The following DACH2 variants were observed in gnomAD, a reference collection of about 807,000 sequenced individuals.
DACH2 encodes dachshund homolog 2.
DACH2 carries 17 observed loss-of-function variants against 35.8 expected under a neutral mutation model. The ratio of observed to expected loss-of-function variants is 0.48; its 90% CI spans 0.33 to 0.71. The LOEUF (loss-of-function observed/expected upper bound fraction) is 0.71. Ranked by LOEUF, DACH2 falls within the 30% of genes least tolerant of loss-of-function variation. The pLI, the probability that DACH2 is intolerant of heterozygous loss-of-function variation, is 0.02. For synonymous variants in DACH2, 195 were observed against 177.3 expected, an observed-to-expected ratio of 1.10 and a Z score of -0.79; for missense variants, 469 against 472.7, an observed-to-expected ratio of 0.99 and a Z score of 0.07.
chrX:86,337,031 A>G (rs768030736), intron 1 of DACH2, among the ~76,000 whole-genome samples: 2 of 109,851 alleles, frequency 1.8e-5, no homozygotes, highest in African/African-American at 6.6e-5. Flanking sequence ...TAGAGAAAAA[A>G]GAATGAAAAA....
At chrX:86,315,840 C>CACACACAGAGAGAGAG (rs1556024046) in intron 1 of DACH2, among the ~76,000 whole-genome samples, 1 of 77,870 alleles carries the variant, frequency 1.3e-5, no homozygotes, top group Non-Finnish European at 2.4e-5. Context: ...CACACACACA[C>CACACACAGAGAGAGAG]AGAGAGAGAG....
intron 2 of DACH2, among the ~76,000 whole-genome samples, chrX:86,455,886 C>G (rs2037466285): frequency 1.8e-5 from 2 of 112,221 alleles, no homozygotes; most frequent in East Asian, 5.6e-4. Flanking sequence ...GTATATTAAA[C>G]TCCTGGGTGT....
chrX:86,723,270 G>T (rs1338273503), intron 6 of DACH2, among the ~76,000 whole-genome samples: 1 of 106,981 alleles, frequency 9.3e-6, no homozygotes, highest in Non-Finnish European at 1.9e-5. Flanking sequence ...TCTCATGTTG[G>T]TTTTTCATAC....
intron 4 of DACH2, among the ~76,000 whole-genome samples, chrX:86,653,689 G>A (rs1177182001): frequency 3.3e-5 from 3 of 91,800 alleles, no homozygotes; most frequent in Non-Finnish European, 6.4e-5. Context: ...TTTTTGAGAC[G>A]GAGTCTCACT....
chrX:86,527,418 T>G, intron 3 of DACH2, among the ~76,000 whole-genome samples: 1 of 112,060 alleles, frequency 8.9e-6, no homozygotes, highest in Admixed American at 9.5e-5. Context: ...TTGTATTTTC[T>G]AGCATTTTAT....
intron 5 of DACH2, among the ~76,000 whole-genome samples, chrX:86,697,641 G>C (rs1007174712): frequency 7.3e-5 from 8 of 109,857 alleles, no homozygotes; most frequent in Admixed American, 6.8e-4. Flanking sequence ...AAGAACACGT[G>C]AGATAGCTAA....
chrX:86,734,151 G>A (rs772452360), intron 6 of DACH2, among the ~76,000 whole-genome samples: 3 of 110,606 alleles, frequency 2.7e-5, no homozygotes, highest in Non-Finnish European at 5.7e-5. Context: ...TAATCTGTAA[G>A]CCTTTTCCAG....
chrX:86,493,028 A>G (rs5968931), intron 2 of DACH2, among the ~76,000 whole-genome samples: 21,285 of 111,041 alleles, frequency 0.19, 1,694 homozygotes, highest in African/African-American at 0.28. Context: ...GAAATCGCCA[A>G]AGTGCTTTCC....
intron 1 of DACH2, among the ~76,000 whole-genome samples, chrX:86,319,095 G>T (rs1014092385): frequency 6.3e-5 from 7 of 111,827 alleles, no homozygotes; most frequent in African/African-American, 6.5e-5. Flanking sequence ...TGTTATAATT[G>T]ATGAGTTTTG....
intron 3 of DACH2, among the ~76,000 whole-genome samples, chrX:86,542,476 G>A (rs1381121202): frequency 3.6e-5 from 4 of 111,513 alleles, no homozygotes; most frequent in Non-Finnish European, 7.5e-5. Flanking sequence ...TTTCGCATGA[G>A]TCTGTTACAC....
intron 1 of DACH2, among the ~76,000 whole-genome samples, chrX:86,205,168 C>G (rs1205125084): frequency 9.0e-6 from 1 of 111,052 alleles, no homozygotes; most frequent in African/African-American, 3.3e-5. Context: ...GAAATAATGT[C>G]TATTTTATGG....
At chrX:86,310,444 G>C (rs1367468851) in intron 1 of DACH2, among the ~76,000 whole-genome samples, 1 of 111,391 alleles carries the variant, frequency 9.0e-6, no homozygotes, top group East Asian at 2.8e-4. Context: ...GAAGAGAAGA[G>C]AAGACTAGGG....
intron 1 of DACH2, among the ~76,000 whole-genome samples, chrX:86,303,756 A>G (rs1224097780): frequency 9.0e-6 from 1 of 110,627 alleles, no homozygotes; most frequent in Non-Finnish European, 1.9e-5. Flanking sequence ...TTCTGTACCC[A>G]TAACCTGACT....
At chrX:86,564,854 A>T (rs923978433) in intron 3 of DACH2, among the ~76,000 whole-genome samples, 2 of 111,258 alleles carry the variant, frequency 1.8e-5, no homozygotes, top group Non-Finnish European at 3.8e-5. Context: ...CACAGGGAAT[A>T]TTAGTGATGA....
At chrX:86,812,162 G>A (rs1247780357) in intron 7 of DACH2, among the ~76,000 whole-genome samples, 1 of 111,598 alleles carries the variant, frequency 9.0e-6, no homozygotes, top group Non-Finnish European at 1.9e-5. Flanking sequence ...ACATGGATAA[G>A]CTTAAAAAAC....
intron 2 of DACH2, among the ~76,000 whole-genome samples, chrX:86,445,432 G>A (rs1240416533): frequency 2.1e-4 from 19 of 92,577 alleles, no homozygotes; most frequent in African/African-American, 6.4e-4. Flanking sequence ...TGGGTGCAGC[G>A]CACCAGCATG....
intron 2 of DACH2, among the ~76,000 whole-genome samples, chrX:86,505,867 C>T (rs5923546): frequency 0.27 from 30,314 of 110,971 alleles, 3,192 homozygotes; most frequent in Middle Eastern, 0.44. Flanking sequence ...TTATCTGCAT[C>T]TGACCTGAAC....
chrX:86,829,521 A>G (rs1209667560), intron 11 of DACH2: 1 of 111,797 alleles, frequency 8.9e-6, no homozygotes, highest in East Asian at 2.8e-4. Flanking sequence ...TGCCTTGTTT[A>G]TGATACATGA....
chrX:86,329,472 G>A (rs750422944), intron 1 of DACH2, among the ~76,000 whole-genome samples: 1 of 111,458 alleles, frequency 9.0e-6, no homozygotes, highest in Non-Finnish European at 1.9e-5. Context: ...GGCTCCAGTG[G>A]GAGAGGCAGC....
Sources: allele counts gnomAD v4.1 joint callset (sites outside exome capture counted in the v4.1 genomes callset), GRCh38; gene constraint gnomAD v4.1.1; transcripts MANE v1.5; gene names NCBI Gene and HGNC (gene_info 2026-07-23, HGNC 2026-07-21).